TBC1D12: variants seen among roughly 807,000 people sequenced by gnomAD.
The protein encoded by TBC1D12 is TBC1 domain family member 12, also known as TBC1 domain family, member 12.
In TBC1D12, 56 loss-of-function variants were observed where a neutral mutation model predicts 86.7. That is an observed-to-expected ratio of 0.65 (90% CI 0.52 to 0.81). The LOEUF (loss-of-function observed/expected upper bound fraction) is 0.81, where lower values mean the gene tolerates loss of function less well. TBC1D12 is among the 30% of genes least tolerant of loss of function. The pLI is 0.00. For synonymous variants in TBC1D12, 421 were observed against 411.7 expected (o/e 1.02, Z -0.27); for missense variants, 1,023 against 1,038.8 (o/e 0.98, Z 0.21).
At chr10:94,437,516 TG>T (rs1272612120) in intron 1 of TBC1D12, among the ~76,000 whole-genome samples, 1 of 151,804 alleles carries the variant, frequency 6.6e-6, no homozygotes, top group Admixed American at 6.6e-5. Flanking sequence ...TTAGTAGAGA[TG>T]GGGTTTCACC....
intron 12 of TBC1D12, among the ~76,000 whole-genome samples, chr10:94,532,351 G>A (rs953067700): frequency 6.6e-6 from 1 of 151,666 alleles, no homozygotes; most frequent in African/African-American, 2.4e-5. Flanking sequence ...CTAATTTTTT[G>A]TATTTTTAGT....
chr10:94,528,101 T>C (rs938574658), intron 11 of TBC1D12, among the ~76,000 whole-genome samples: 1 of 152,116 alleles, frequency 6.6e-6, no homozygotes, highest in Non-Finnish European at 1.5e-5. Flanking sequence ...ATGGTTTTTT[T>C]ATTTCTGTGA....
intron 9 of TBC1D12, among the ~76,000 whole-genome samples, chr10:94,518,396 T>C (rs973592063): frequency 1.3e-5 from 2 of 151,898 alleles, no homozygotes; most frequent in African/African-American, 4.8e-5. Context: ...GTATTTTTAG[T>C]AGAGAACCAG....
At chr10:94,420,068 G>C (rs534192159) in intron 1 of TBC1D12, among the ~76,000 whole-genome samples, 21 of 152,278 alleles carry the variant, frequency 1.4e-4, no homozygotes, top group Non-Finnish European at 2.4e-4. Context: ...TGTGCTGAAG[G>C]CCTAATCCCC....
chr10:94,416,212 G>A (rs1049690360), intron 1 of TBC1D12, among the ~76,000 whole-genome samples: 2 of 152,190 alleles, frequency 1.3e-5, no homozygotes, highest in East Asian at 1.9e-4. Flanking sequence ...GTACTTCTAC[G>A]TCAGACATGA....
intron 2 of TBC1D12, among the ~76,000 whole-genome samples, chr10:94,470,087 C>T (rs2055882154): frequency 6.6e-6 from 1 of 152,148 alleles, no homozygotes; most frequent in Non-Finnish European, 1.5e-5. Flanking sequence ...AAAATCAGTA[C>T]TTACTTAAAT....
At chr10:94,463,491 C>A (rs1028063159) in intron 2 of TBC1D12, among the ~76,000 whole-genome samples, 1 of 152,184 alleles carries the variant, frequency 6.6e-6, no homozygotes, top group Admixed American at 6.5e-5. Flanking sequence ...ATATGTTAAT[C>A]CATGAACAGA....
intron 6 of TBC1D12, among the ~76,000 whole-genome samples, chr10:94,503,338 T>A (rs1468397374): frequency 6.6e-6 from 1 of 152,226 alleles, no homozygotes; most frequent in Admixed American, 6.5e-5. Context: ...AAATCATTCA[T>A]AAATATTTAC....
intron 11 of TBC1D12, 83 bp from the exon 12 acceptor site, chr10:94,531,117 CTG>C: frequency 6.9e-7 from 1 of 1,455,372 alleles, no homozygotes; most frequent in South Asian, 1.4e-5. Context: ...TAATTAAACA[CTG>C]TTCTTTTTTT....
At chr10:94,516,611 C>T (rs963709578) in intron 9 of TBC1D12, among the ~76,000 whole-genome samples, 1 of 132,832 alleles carries the variant, frequency 7.5e-6, no homozygotes, top group Non-Finnish European at 1.5e-5. Flanking sequence ...TGTTCCCCTT[C>T]CTGTGTCCAA....
intron 7 of TBC1D12, chr10:94,509,523 A>C (rs897746568): frequency 2.0e-5 from 3 of 152,488 alleles, no homozygotes; most frequent in African/African-American, 7.2e-5. Context: ...CCATAGGGAA[A>C]ACCAGATACA....
chr10:94,532,921 G>T (rs768161480), intron 12 of TBC1D12, 107 bp from the exon 13 acceptor site: 7 of 641,838 alleles, frequency 1.1e-5, no homozygotes, highest in Middle Eastern at 8.3e-4. Flanking sequence ...CGGGGACAGT[G>T]TTAAGTATAA....
At chr10:94,463,248 T>A (rs1243515829) in intron 2 of TBC1D12, among the ~76,000 whole-genome samples, 1 of 152,208 alleles carries the variant, frequency 6.6e-6, no homozygotes, top group Non-Finnish European at 1.5e-5. Context: ...CCGTTGCTTA[T>A]AACAGAATAT....
intron 1 of TBC1D12, among the ~76,000 whole-genome samples, chr10:94,429,437 A>G (rs1413361487): frequency 6.6e-6 from 1 of 152,162 alleles, no homozygotes; most frequent in Non-Finnish European, 1.5e-5. Context: ...GTTTTTTCCA[A>G]GTGAAAAATG....
intron 12 of TBC1D12, among the ~76,000 whole-genome samples, chr10:94,531,854 T>TTTATGTTATG (rs1842438184): frequency 1.0e-5 from 1 of 99,312 alleles, no homozygotes; most frequent in Non-Finnish European, 2.0e-5. Context: ...TTTATGTTAT[T>TTTATGTTATG]TTATTTTATA....
At chr10:94,444,387 G>A (rs1314050911) in intron 2 of TBC1D12, among the ~76,000 whole-genome samples, 1 of 151,868 alleles carries the variant, frequency 6.6e-6, no homozygotes, top group African/African-American at 2.4e-5. Flanking sequence ...AGAAAGGTTG[G>A]GAACCTCTGC....
rs372341736 is a variant in TBC1D12, at chr10:94,407,437, T to G, written c.971+3853T>G. On this transcript the variant is annotated intron_variant, in intron 1 of 12. Coordinates refer to ENST00000225235, the MANE Select transcript of TBC1D12 (RefSeq NM_015188.2). ...TGGCTCACGCCTGTAATCCCAACAC[T>G]TTGGGAGGCTGAGGCGGGTGGATCA... 2.3e-4 allele frequency among the ~76,000 whole-genome samples: 35 copies of G among 152,292 alleles called. No individual in the cohort carries two copies. In the East Asian group the frequency reaches 4.4e-3, roughly 19 times the overall value.
intron 2 of TBC1D12, among the ~76,000 whole-genome samples, chr10:94,466,018 T>C (rs2055818008): frequency 6.6e-6 from 1 of 151,876 alleles, no homozygotes; most frequent in Non-Finnish European, 1.5e-5. Flanking sequence ...TATTAGCCAC[T>C]AGAGCTTGTT....
chr10:94,465,624 C>T (rs991550436), intron 2 of TBC1D12, among the ~76,000 whole-genome samples: 13 of 143,898 alleles, frequency 9.0e-5, no homozygotes, highest in East Asian at 8.3e-4. Context: ...CCAGCCTGGG[C>T]GACAGAGCAA....
Sources: allele counts gnomAD v4.1 joint callset (sites outside exome capture counted in the v4.1 genomes callset), GRCh38; gene constraint gnomAD v4.1.1; transcripts MANE v1.5; gene names NCBI Gene and HGNC (gene_info 2026-07-23, HGNC 2026-07-21).